CD96: variants seen among roughly 807,000 people sequenced by gnomAD.
CD96 encodes CD96 molecule, also known as T-cell surface protein tactile.
CD96 carries 70 observed loss-of-function variants against 71.3 expected under a neutral mutation model. That is an observed-to-expected ratio of 0.98 (90% CI 0.81 to 1.20). The LOEUF (loss-of-function observed/expected upper bound fraction) is 1.20. CD96 is among the 50% of genes most tolerant of loss of function. CD96 has a pLI of 0.00. For missense variants in CD96, 742 were observed against 677.5 expected (o/e 1.10, Z -1.06); for synonymous variants, 248 against 233.0 (o/e 1.06, Z -0.59).
intron 12 of CD96, among the ~76,000 whole-genome samples, chr3:111,645,709 T>C (rs1162573560): frequency 1.3e-5 from 2 of 152,156 alleles, no homozygotes; most frequent in Non-Finnish European, 2.9e-5. Flanking sequence ...TTGAACTATG[T>C]AAACTTTCTA....
At chr3:111,584,271 C>A (rs965817566) in intron 4 of CD96, among the ~76,000 whole-genome samples, 2 of 152,320 alleles carry the variant, frequency 1.3e-5, no homozygotes, top group East Asian at 3.9e-4. Flanking sequence ...CAGCCTCAAC[C>A]TTATTGTTCA....
At chr3:111,663,123 G>GAT (rs1940396267) in intron 14 of CD96, among the ~76,000 whole-genome samples, 2 of 152,200 alleles carry the variant, frequency 1.3e-5, no homozygotes, top group South Asian at 4.1e-4. Context: ...AGGAGAGAGA[G>GAT]AGAACAAAGG....
chr3:111,661,825 A>G (rs897186312), intron 14 of CD96, among the ~76,000 whole-genome samples: 3 of 152,172 alleles, frequency 2.0e-5, no homozygotes, highest in Non-Finnish European at 4.4e-5. Context: ...GTGCATGGTG[A>G]GGTTGTCAGT....
At chr3:111,636,916 T>C (rs1234288908) in intron 10 of CD96, among the ~76,000 whole-genome samples, 1 of 152,152 alleles carries the variant, frequency 6.6e-6, no homozygotes, top group Non-Finnish European at 1.5e-5. Flanking sequence ...TGACACACTC[T>C]GGCTAGAGGA....
intron 3 of CD96, among the ~76,000 whole-genome samples, chr3:111,572,176 C>A (rs1936013416): frequency 6.6e-6 from 1 of 152,224 alleles, no homozygotes; most frequent in Non-Finnish European, 1.5e-5. Context: ...CCACCCCGAA[C>A]ATGCTTAATA....
chr3:111,645,424 A>G (rs1202658589), intron 12 of CD96, among the ~76,000 whole-genome samples: 3 of 152,102 alleles, frequency 2.0e-5, no homozygotes, highest in African/African-American at 7.2e-5. Context: ...TGCACTGTAT[A>G]CTGCTTGGGT....
chr3:111,652,777 A>G (rs1940136681), downstream of CD96, among the ~76,000 whole-genome samples: 1 of 152,030 alleles, frequency 6.6e-6, no homozygotes, highest in Non-Finnish European at 1.5e-5. Flanking sequence ...TGTGAGCTTG[A>G]CCACCCTTAT....
At chr3:111,551,624 G>A (rs1213628471) in intron 2 of CD96, among the ~76,000 whole-genome samples, 2 of 152,050 alleles carry the variant, frequency 1.3e-5, no homozygotes, top group Non-Finnish European at 2.9e-5. Flanking sequence ...ATAGGTAAAT[G>A]TGTGCCATGG....
At chr3:111,656,189 A>T (rs1940225356), downstream of CD96, among the ~76,000 whole-genome samples, 1 of 152,178 alleles carries the variant, frequency 6.6e-6, no homozygotes, top group Non-Finnish European at 1.5e-5. Context: ...CCTATGAAAA[A>T]TGGGCTAAAG....
At position 111,579,027 on chromosome 3, in the gene CD96, G is replaced by T. The variant is rs1367636184; in HGVS notation, c.544G>T (p.Glu182Ter). The T allele has an allele frequency of 6.4e-7, 1 of 1,565,994 alleles. No individual in the cohort carries two copies. Among genetic ancestry groups the T allele is most frequent in the Non-Finnish European group, 8.8e-7 (1 of 1,136,380 alleles). Residue 182 changes from glutamate (E) to a stop codon, truncating the protein, a stop_gained and splice_region_variant, in exon 4 of 14, where the codon GAG (glutamate) becomes TAG (stop). Transcript: ENST00000352690. LOFTEE classifies it high-confidence loss of function. ...AACTGGTAACAATTTTTCTCACCAGGAGGATAATGGAACTCAGGAAACACT... is the reference window on the plus strand; with the variant it reads ...AACTGGTAACAATTTTTCTCACCAGTAGGATAATGGAACTCAGGAAACACT... ...SSEFTYAWSV[E>*]DNGTQETLIS...
In CD96 at chr3:111,650,736, C is replaced by A. The variant is rs1007607188; in HGVS notation, c.*930C>A. ...ATCAGACCAGCACTGATTAATTAAC[C>A]CTGCTCCTACCAATCTTTTTTAAAG... On this transcript the variant is annotated 3_prime_UTR_variant, in exon 14 of 14. Coordinates refer to ENST00000352690, the MANE Select transcript of CD96 (RefSeq NM_005816.5). 1 of 152,150 alleles carries A rather than the reference C, an allele frequency of 6.6e-6. No homozygotes were observed. Among genetic ancestry groups the A allele is most frequent in the Non-Finnish European group, 1.5e-5 (1 of 68,050 alleles). The allele number at this position is 152,150 out of a possible 1,614,324, so 9.4% of individuals were successfully genotyped here.
At chr3:111,543,734 G>A (rs1475539883) in intron 1 of CD96, among the ~76,000 whole-genome samples, 5 of 151,726 alleles carry the variant, frequency 3.3e-5, no homozygotes, top group African/African-American at 1.2e-4. Context: ...CAAGCTTCTT[G>A]CCTGCCCCCA....
intron 10 of CD96, chr3:111,633,618 G>A (rs1442262713): frequency 6.6e-6 from 1 of 152,252 alleles, no homozygotes; most frequent in African/African-American, 2.4e-5. Flanking sequence ...CCATGGTTAA[G>A]GCATAAGCCC....
intron 2 of CD96, among the ~76,000 whole-genome samples, chr3:111,562,509 A>G (rs1000560274): frequency 1.3e-5 from 2 of 148,738 alleles, no homozygotes; most frequent in Admixed American, 6.8e-5. Flanking sequence ...TCTCCTTTGC[A>G]ATGCAAGGCC....
At position 111,545,370 on chromosome 3, in the gene CD96, C is replaced by T. The variant is rs1287818739; in HGVS notation, c.386C>T (p.Thr129Ile). The change falls in exon 2 of 14, where the codon ACT becomes ATT. Residue 129 changes from threonine to isoleucine, a missense_variant. By Grantham distance (89) the Thr-to-Ile change is moderately conservative. Coordinates refer to ENST00000352690, the MANE Select transcript of CD96 (RefSeq NM_005816.5). ...MLVLYPEGIQTKIYNLLIQTH... is the reference protein window; with the variant it reads ...MLVLYPEGIQIKIYNLLIQTH... The stretch of plus-strand genomic sequence containing the variant: ...GTTCTGTATCCAGAGGGCATTCAGA[C>T]TAAAATCTACAACCTTCTCATTCAG... The T allele has an allele frequency of 6.2e-7, 1 of 1,610,736 alleles. No homozygotes were observed. Among genetic ancestry groups the T allele is most frequent in the Non-Finnish European group, 8.5e-7 (1 of 1,176,910 alleles).
At chr3:111,592,686 A>T (rs1236531113) in intron 5 of CD96, among the ~76,000 whole-genome samples, 40 of 152,030 alleles carry the variant, frequency 2.6e-4, no homozygotes, top group Admixed American at 2.6e-3. Context: ...TTTCATTCTG[A>T]ATTTCTTTCA....
intron 8 of CD96, among the ~76,000 whole-genome samples, chr3:111,608,382 C>A (rs1312257582): frequency 6.6e-6 from 1 of 152,222 alleles, no homozygotes; most frequent in Non-Finnish European, 1.5e-5. Context: ...CCATCTTATA[C>A]TCAAGGGGAT....
At chr3:111,572,960 A>G (rs1343204526) in intron 3 of CD96, among the ~76,000 whole-genome samples, 1 of 152,200 alleles carries the variant, frequency 6.6e-6, no homozygotes, top group African/African-American at 2.4e-5. Context: ...GACGGGCATC[A>G]GGTGCAAATG....
At chr3:111,579,260 A>C in intron 4 of CD96, 26 bp downstream of exon 4, 1 of 1,217,036 alleles carries the variant, frequency 8.2e-7, no homozygotes, top group Non-Finnish European at 1.2e-6. Context: ...CTACAGACTC[A>C]CTGGCATCCT....
Sources: gnomAD v4.1 joint callset for allele counts (sites outside exome capture counted in the v4.1 genomes callset) on GRCh38, gnomAD v4.1.1 for gene constraint, MANE v1.5 for transcripts, NCBI Gene and HGNC (gene_info 2026-07-23, HGNC 2026-07-21) for gene names.